Variants in AFP observed in about 807,000 individuals in gnomAD.
AFP encodes alpha-fetoprotein.
Under a neutral mutation model 78.9 loss-of-function variants are expected in AFP, and 64 were observed. That is an observed-to-expected ratio of 0.81 (90% CI 0.66 to 1.00). The LOEUF (loss-of-function observed/expected upper bound fraction) is 1.00. Ranked by LOEUF, AFP falls within the 50% of genes least tolerant of loss-of-function variation. AFP has a pLI of 0.00. For missense variants in AFP, 689 were observed against 703.8 expected, an observed-to-expected ratio of 0.98 and a Z score of 0.24; for synonymous variants, 254 against 243.8, an observed-to-expected ratio of 1.04 and a Z score of -0.39.
intron 4 of AFP, among the ~76,000 whole-genome samples, chr4:73,441,034 C>A (rs1295948942): frequency 6.6e-6 from 1 of 152,080 alleles, no homozygotes; most frequent in Non-Finnish European, 1.5e-5. Context: ...CAGGACAAAC[C>A]TACCAGAGGT....
intron 8 of AFP, 99 bp downstream of exon 8, chr4:73,447,775 A>C: frequency 5.9e-6 from 6 of 1,012,006 alleles, no homozygotes; most frequent in South Asian, 2.8e-5. Flanking sequence ...ATGGTTTTTG[A>C]GTTCAATATG....
At chr4:73,452,776 T>C (rs1442193270) in intron 12 of AFP, 152 bp downstream of exon 12, 2 of 734,438 alleles carry the variant, frequency 2.7e-6, no homozygotes, top group Non-Finnish European at 4.7e-6. Flanking sequence ...TTTGTCTCAG[T>C]GTCTTCACAG....
intron 3 of AFP, among the ~76,000 whole-genome samples, chr4:73,440,044 T>C (rs1370604679): frequency 6.6e-6 from 1 of 152,120 alleles, no homozygotes; most frequent in Non-Finnish European, 1.5e-5. Flanking sequence ...TTGCTCAGTT[T>C]CTTTTTTTAT....
At chr4:73,442,174 G>A (rs997094350) in intron 4 of AFP, 122 bp from the exon 5 acceptor site, 1 of 1,038,748 alleles carries the variant, frequency 9.6e-7, no homozygotes, top group Admixed American at 2.0e-5. Flanking sequence ...TAAAGACAAA[G>A]TCAAATGCAT....
rs942503844 is a variant in AFP at position 73,450,272 on chromosome 4, G to C, written c.1289+139G>C. 2.8e-4 allele frequency: 218 copies of C among 765,666 alleles called. No individual in the cohort carries two copies. The African/African-American group carries it at 3.7e-3, about 13-fold the overall frequency. The allele number at this position is 765,666 out of a possible 1,614,324, so 47.4% of individuals were successfully genotyped here. A position where few individuals can be genotyped will look rare whatever the true frequency, so the allele number is the denominator to read the frequency against. The stretch of plus-strand genomic sequence containing the variant: ...GTATTGACTTTAAGTTCCCCATACT[G>C]TGCAAATTTTTGCAGTAAAGATATC... On this transcript the variant is annotated intron_variant, in intron 10 of 14. Coordinates refer to ENST00000395792, the MANE Select transcript of AFP (RefSeq NM_001134.3).
At chr4:73,455,159 G>A (rs1009522427) in intron 13 of AFP, 77 bp from the exon 14 acceptor site, 84 of 1,152,714 alleles carry the variant, frequency 7.3e-5, no homozygotes, top group East Asian at 5.6e-4. Context: ...AATTCACCCC[G>A]GATTGTAGAG....
At chr4:73,450,929 T>C (rs559760897) in intron 11 of AFP, among the ~76,000 whole-genome samples, 176 bp downstream of exon 11, 1 of 152,350 alleles carries the variant, frequency 6.6e-6, no homozygotes, top group South Asian at 2.1e-4. Context: ...GGCTGGCATG[T>C]GGCCATGCTT....
Position 73,449,596 on chromosome 4 carries a change from T to A in AFP, c.1191+129T>A, listed in dbSNP as rs913389755. On this transcript the variant is annotated intron_variant, in intron 9 of 14. Transcript: ENST00000395792. The stretch of plus-strand genomic sequence containing the variant: ...CCAGTTATATCTATTTGTCTAGATA[T>A]TAAGCTGTTATTAACTAGCAGTCAG... The A allele has an allele frequency of 2.6e-6, 3 of 1,145,692 alleles. No individual in the cohort carries two copies. In the African/African-American group the frequency reaches 4.6e-5, roughly 18 times the overall value. 71.0% of individuals were successfully genotyped at this position (1,145,692 alleles called of 1,614,324 possible).
Position 73,438,175 on chromosome 4 carries a change from G to T in AFP, c.139G>T (p.Ala47Ser), listed in dbSNP as rs779423805. 6.2e-7 allele frequency: 1 copy of T among 1,613,248 alleles called. No homozygotes were observed. Among genetic ancestry groups the T allele is most frequent in the South Asian group, 1.1e-5 (1 of 91,060 alleles). ...CTAEISLADL[A>S]TIFFAQFVQE... ...GATTCACACGTATTTTTGTTTCAGG[G>T]CTACCATATTTTTTGCCCAGTTTGT... is the stretch of plus-strand genomic sequence containing the variant. The change falls in exon 3 of 15, where the codon GCT (alanine) becomes TCT (serine). Residue 47 changes from alanine to serine, a missense_variant and splice_region_variant. Ala to Ser is a moderately conservative substitution (Grantham distance 99, BLOSUM62 1). Transcript: ENST00000395792.
intron 7 of AFP, 129 bp from the exon 8 acceptor site, chr4:73,447,333 G>T: frequency 2.5e-5 from 14 of 568,286 alleles, no homozygotes; most frequent in African/African-American, 5.9e-5. Flanking sequence ...CTTCTTTCCT[G>T]GCCTTTTTTC....
At chr4:73,440,144 C>T (rs943221442) in intron 3 of AFP, among the ~76,000 whole-genome samples, 5 of 152,054 alleles carry the variant, frequency 3.3e-5, no homozygotes, top group Non-Finnish European at 7.4e-5. Context: ...TTTGCTGCAC[C>T]TACCAACCTG....
chr4:73,452,311 G>A (rs1720018682), intron 11 of AFP, 90 bp from the exon 12 acceptor site: 1 of 1,015,154 alleles, frequency 9.9e-7, no homozygotes, highest in African/African-American at 1.6e-5. Flanking sequence ...CTGGGCATTA[G>A]AAATTATTGC....
rs551371919 is a variant in AFP at position 73,442,544 on chromosome 4, G to A, written c.615+116G>A. On this transcript the variant is annotated intron_variant, in intron 5 of 14. Transcript: ENST00000395792. ...TGGAGAGTATCGTTTTTGGAATAGA[G>A]AAATAGTTCAGCAGTCTGATATTCT... is the stretch of plus-strand genomic sequence containing the variant. 18 of 1,254,114 alleles carry A rather than the reference G, an allele frequency of 1.4e-5. No individual in the cohort carries two copies. In the South Asian group the frequency reaches 2.1e-4, roughly 15 times the overall value. 77.7% of individuals were successfully genotyped at this position (1,254,114 alleles called of 1,614,324 possible). A position where few individuals can be genotyped will look rare whatever the true frequency, so the allele number is the denominator to read the frequency against.
intron 13 of AFP, 82 bp from the exon 14 acceptor site, chr4:73,455,154 A>T (rs1720119183): frequency 4.5e-6 from 5 of 1,108,580 alleles, no homozygotes; most frequent in Non-Finnish European, 4.1e-6. Flanking sequence ...CTATGAATTC[A>T]CCCCGGATTG....
At chr4:73,452,988 C>CT (rs1431153607) in intron 12 of AFP, among the ~76,000 whole-genome samples, 1 of 152,272 alleles carries the variant, frequency 6.6e-6, no homozygotes, top group African/African-American at 2.4e-5. Context: ...ATCATTGAAT[C>CT]TTTTTTTACA....
intron 8 of AFP, among the ~76,000 whole-genome samples, chr4:73,448,067 C>T (rs879647286): frequency 5.3e-5 from 8 of 151,514 alleles, no homozygotes; most frequent in Non-Finnish European, 1.2e-4. Flanking sequence ...ACTCTTGCTA[C>T]GCATGTTAAA....
chr4:73,444,323 C>G (rs1183856684), intron 6 of AFP, among the ~76,000 whole-genome samples: 1 of 152,098 alleles, frequency 6.6e-6, no homozygotes, highest in Non-Finnish European at 1.5e-5. Context: ...CATTTGCTAT[C>G]CATAAGTGAA....
At chr4:73,447,408 T>C in intron 7 of AFP, 54 bp from the exon 8 acceptor site, 1 of 1,363,066 alleles carries the variant, frequency 7.3e-7, no homozygotes, top group Non-Finnish European at 1.0e-6. Context: ...GGCTTTGAGA[T>C]CCTTTATTAA....
intron 13 of AFP, among the ~76,000 whole-genome samples, chr4:73,454,878 A>T (rs1324706186): frequency 6.6e-6 from 1 of 152,156 alleles, no homozygotes; most frequent in Non-Finnish European, 1.5e-5. Context: ...AAGAAGATTA[A>T]TGTTCTCTAA....
Sources: gnomAD v4.1 joint callset for allele counts (sites outside exome capture counted in the v4.1 genomes callset) on GRCh38, gnomAD v4.1.1 for gene constraint, MANE v1.5 for transcripts, NCBI Gene and HGNC (gene_info 2026-07-23, HGNC 2026-07-21) for gene names.